Variants in KCNH7 observed in about 807,000 individuals in gnomAD.
KCNH7 encodes the protein potassium voltage-gated channel subfamily H member 7.
KCNH7 carries 49 observed loss-of-function variants against 120.8 expected under a neutral mutation model. The ratio of observed to expected loss-of-function variants is 0.41; its 90% CI spans 0.32 to 0.51. KCNH7 has a LOEUF of 0.51. Among genes scored for constraint, KCNH7 ranks in the 20% least tolerant of loss-of-function variants. The probability of loss-of-function intolerance (pLI) is 0.38; values close to 1 mark genes in which losing one functional copy is unlikely to be tolerated. For synonymous variants in KCNH7, 547 were observed against 516.1 expected (o/e 1.06, Z -0.81); for missense variants, 1,097 against 1,446.6 (o/e 0.76, Z 3.92).
intron 2 of KCNH7, among the ~76,000 whole-genome samples, chr2:162,547,046 TG>T (rs747778556): frequency 5.9e-5 from 9 of 152,076 alleles, no homozygotes; most frequent in Non-Finnish European, 8.8e-5. Flanking sequence ...TCTGCATGGT[TG>T]GGGAGGCCTC....
chr2:162,521,891 C>A (rs1691539307), intron 3 of KCNH7, among the ~76,000 whole-genome samples: 1 of 151,848 alleles, frequency 6.6e-6, no homozygotes, highest in South Asian at 2.1e-4. Flanking sequence ...CCTATCCCCA[C>A]TTTATCCCCC....
chr2:162,789,836 T>C (rs1307429605), intron 2 of KCNH7, among the ~76,000 whole-genome samples: 1 of 151,918 alleles, frequency 6.6e-6, no homozygotes, highest in African/African-American at 2.4e-5. Flanking sequence ...TCTTATGGGA[T>C]ATAGCAAAAC....
At chr2:162,463,245 C>A (rs988984446) in intron 6 of KCNH7, among the ~76,000 whole-genome samples, 22 of 135,252 alleles carry the variant, frequency 1.6e-4, no homozygotes, top group African/African-American at 7.2e-4. Context: ...TAGCTATAGG[C>A]CAATTCCACA....
chr2:162,398,875 T>C lies in KCNH7; in HGVS notation c.2407+1314A>G, dbSNP rs1203324467. 2.0e-5 allele frequency among the ~76,000 whole-genome samples: 3 copies of C among 152,012 alleles called. No individual in the cohort carries two copies. The East Asian group carries it at 5.8e-4, about 30-fold the overall frequency. ...ATTTAGAATATGTGTTTATTCTTTG[T>C]CAGCTTATTGGTTAGAAAACCAAAT... On this transcript the variant is annotated intron_variant, in intron 10 of 15. Transcript: ENST00000332142.
intron 6 of KCNH7, among the ~76,000 whole-genome samples, chr2:162,488,317 A>C (rs1290696774): frequency 1.3e-5 from 2 of 152,180 alleles, no homozygotes; most frequent in East Asian, 3.9e-4. Flanking sequence ...GTCCAACAGA[A>C]CTTTTAAAGG....
At chr2:162,714,394 G>T (rs1687036997) in intron 2 of KCNH7, among the ~76,000 whole-genome samples, 1 of 152,142 alleles carries the variant, frequency 6.6e-6, no homozygotes, top group Non-Finnish European at 1.5e-5. Context: ...AAACAAAAGA[G>T]CCGTGAGGGA....
At chr2:162,817,695 C>T (rs1438141882) in intron 2 of KCNH7, among the ~76,000 whole-genome samples, 5 of 152,058 alleles carry the variant, frequency 3.3e-5, no homozygotes, top group South Asian at 2.1e-4. Flanking sequence ...CATGAGTCTC[C>T]GTTGCTCCAC....
At chr2:162,749,982 C>T (rs1688483879) in intron 2 of KCNH7, among the ~76,000 whole-genome samples, 1 of 152,068 alleles carries the variant, frequency 6.6e-6, no homozygotes, top group Non-Finnish European at 1.5e-5. Flanking sequence ...GAAAGTGGGG[C>T]TTCTCTGATT....
chr2:162,391,062 C>T (rs1007076019), intron 12 of KCNH7, among the ~76,000 whole-genome samples: 1 of 151,904 alleles, frequency 6.6e-6, no homozygotes, highest in African/African-American at 2.4e-5. Context: ...CAGGACTCAA[C>T]CTCTGTCTGC....
chr2:162,795,365 A>G (rs1478952147), intron 2 of KCNH7: 1 of 152,048 alleles, frequency 6.6e-6, no homozygotes, highest in Non-Finnish European at 1.5e-5. Flanking sequence ...TCTAGGCTAT[A>G]ATGGTGTTCA....
chr2:162,552,908 T>C lies in KCNH7; in HGVS notation c.308-15828A>G, dbSNP rs7595398. ...TGAGAACCCCTGCTACAGTCACAAC[T>C]TGATTTCAGCCTTGTAACACCCTGA... On this transcript the variant is annotated intron_variant, in intron 2 of 15. Transcript: ENST00000332142. Among the ~76,000 whole-genome samples the C allele has an allele frequency of 6.5e-3, 997 of 152,292 alleles. 13 individuals carry two copies. Among genetic ancestry groups the C allele is most frequent in the African/African-American group, 0.022 (932 of 41,562 alleles).
intron 3 of KCNH7, among the ~76,000 whole-genome samples, chr2:162,522,833 A>G (rs1317878304): frequency 4.0e-5 from 6 of 151,872 alleles, no homozygotes; most frequent in Non-Finnish European, 7.4e-5. Context: ...ATAGTTGTTA[A>G]TATGCATGAA....
rs185789173 is a variant in KCNH7, at chr2:162,601,666, T to C, written c.308-64586A>G. 2.8e-3 allele frequency among the ~76,000 whole-genome samples: 422 copies of C among 152,132 alleles called. 2 individuals carry two copies. The highest frequency in any genetic ancestry group is 0.01 in the Middle Eastern group (3 of 294). ...GTGTACTAAACGATGTACTCAGGCA[T>C]AGCTGATCAAAGTTAAGAACTCTGG... On this transcript the variant is annotated intron_variant, in intron 2 of 15. Coordinates refer to ENST00000332142, the MANE Select transcript of KCNH7 (RefSeq NM_033272.4).
chr2:162,670,798 T>C (rs747821569), intron 2 of KCNH7, among the ~76,000 whole-genome samples: 2 of 148,182 alleles, frequency 1.3e-5, no homozygotes, highest in Non-Finnish European at 3.0e-5. Context: ...GTGGAAAAAA[T>C]CAAAAGCATA....
At chr2:162,820,488 G>A (rs893686716) in intron 2 of KCNH7, among the ~76,000 whole-genome samples, 1 of 151,656 alleles carries the variant, frequency 6.6e-6, no homozygotes, top group African/African-American at 2.4e-5. Context: ...CATTGACTTT[G>A]CCTGCATCTT....
intron 2 of KCNH7, among the ~76,000 whole-genome samples, chr2:162,688,061 C>T (rs1574267594): frequency 6.6e-6 from 1 of 152,072 alleles, no homozygotes; most frequent in South Asian, 2.1e-4. Context: ...AATTAGGAGG[C>T]ATGTAGATTT....
Position 162,435,427 on chromosome 2 carries a change from A to G in KCNH7, c.1725T>C (p.Asn575=), listed in dbSNP as rs749520047. 11 of 1,613,824 alleles carry G rather than the reference A, an allele frequency of 6.8e-6. No individual in the cohort carries two copies. In the South Asian group the frequency reaches 1.2e-4, roughly 18 times the overall value. ...WLACIWYAIG[N]VERPYLTDKI... ...TGTCAGTCAGGTAAGGCCTTTCTAC[A>G]TTCCCAATCGCATACCAAATGCAAG... The change falls in exon 8 of 16, where the codon AAT becomes AAC. Residue 575 remains asparagine (N), a synonymous_variant. Coordinates refer to ENST00000332142, the MANE Select transcript of KCNH7 (RefSeq NM_033272.4).
chr2:162,526,482 G>A (rs1691708980), intron 3 of KCNH7, among the ~76,000 whole-genome samples: 1 of 151,774 alleles, frequency 6.6e-6, no homozygotes, highest in Non-Finnish European at 1.5e-5. Flanking sequence ...CATAAAAGAC[G>A]CCGCCCCCCC....
At chr2:162,546,107 C>G (rs1269138930) in intron 2 of KCNH7, among the ~76,000 whole-genome samples, 1 of 152,216 alleles carries the variant, frequency 6.6e-6, no homozygotes, top group African/African-American at 2.4e-5. Context: ...GAGGCAGTCT[C>G]TTAAGATGTC....
Sources: allele counts gnomAD v4.1 joint callset (sites outside exome capture counted in the v4.1 genomes callset), GRCh38; gene constraint gnomAD v4.1.1; transcripts MANE v1.5; gene names NCBI Gene and HGNC (gene_info 2026-07-23, HGNC 2026-07-21).